Variants in APOB observed in about 807,000 individuals in gnomAD.
The protein encoded by APOB is apolipoprotein B-100.
APOB carries 153 observed loss-of-function variants against 314.1 expected under a neutral mutation model. The ratio of observed to expected loss-of-function variants is 0.49; its 90% confidence interval spans 0.43 to 0.56. The LOEUF is 0.56. Ranked by LOEUF, APOB falls within the 20% of genes least tolerant of loss-of-function variation. The probability of loss-of-function intolerance (pLI) is 0.00; values close to 1 mark genes in which losing one functional copy is unlikely to be tolerated. For missense variants in APOB, 5,430 were observed against 5,350.7 expected, an observed-to-expected ratio of 1.01 and a Z score of -0.46; for synonymous variants, 2,087 against 2,036.4, an observed-to-expected ratio of 1.02 and a Z score of -0.67.
At chr2:21,021,141 G>A (rs1433518460) in intron 18 of APOB, among the ~76,000 whole-genome samples, 1 of 152,154 alleles carries the variant, frequency 6.6e-6, no homozygotes, top group African/African-American at 2.4e-5. Flanking sequence ...ATCAAATACA[G>A]CACATCCAAA....
Position 21,029,627 on chromosome 2 carries a change from T to A in APOB, c.1617+12A>T, listed in dbSNP as rs759240083. On this transcript the variant is annotated intron_variant, in intron 12 of 28. Transcript: ENST00000233242. ...AAACTTTCACTTTCAGACCTCTTCT[T>A]GTGGACTTTACCTTGTCTTTAGGCT... The A allele has an allele frequency of 3.1e-6, 5 of 1,614,014 alleles. No homozygotes were observed. In the African/African-American group the frequency reaches 5.3e-5, roughly 17 times the overall value.
chr2:21,043,795 C>T (rs1253154590), intron 1 of APOB, 69 bp downstream of exon 1: 8 of 1,523,806 alleles, frequency 5.3e-6, no homozygotes, highest in Non-Finnish European at 7.0e-6. Context: ...GCCCAGGCTG[C>T]CCCGGCCAAC....
At chr2:21,016,995 A>AAAAAT (rs771045012) in intron 20 of APOB, among the ~76,000 whole-genome samples, 1,628 of 135,936 alleles carry the variant, frequency 0.012, 77 homozygotes, top group Admixed American at 0.087. Flanking sequence ...AAAAATAAAT[A>AAAAAT]AATAAATAAA....
intron 2 of APOB, 41 bp downstream of exon 2, chr2:21,043,472 G>T (rs757915327): frequency 6.3e-7 from 1 of 1,581,774 alleles, no homozygotes; most frequent in South Asian, 1.2e-5. Context: ...AGAGTGCACG[G>T]GGCTGGGCGC....
Position 21,008,130 on chromosome 2 carries a change from A to G in APOB, c.8738T>C (p.Leu2913Pro). Residue 2913 changes from leucine (L) to proline (P), a missense_variant, in exon 26 of 29, where the codon CTG becomes CCG. This residue lies in a region of APOB where 3,281 missense variants were observed against 3,171.0 expected (regional missense o/e 1.03). Transcript: ENST00000233242. The part of the protein sequence containing the change: ...QADLRNEIKT[L>P]LKAGHIAWTS... ...CCATGCTATGTGGCCAGCTTTCAACAGTGTCTTGATCTCGTTGCGCAGGTC... is the reference window on the plus strand; with the variant it reads ...CCATGCTATGTGGCCAGCTTTCAACGGTGTCTTGATCTCGTTGCGCAGGTC... 1.9e-6 allele frequency: 3 copies of G among 1,613,962 alleles called. No individual in the cohort carries two copies. The highest frequency in any genetic ancestry group is 2.5e-6 in the Non-Finnish European group (3 of 1,179,948).
chr2:21,025,271 A>G, intron 15 of APOB, 147 bp from the exon 16 acceptor site: 1 of 763,916 alleles, frequency 1.3e-6, no homozygotes, highest in East Asian at 2.6e-5. Flanking sequence ...GTCCAGGCTA[A>G]TTCCTCTAAG....
intron 7 of APOB, 117 bp from the exon 8 acceptor site, chr2:21,035,018 G>A (rs960498528): frequency 5.7e-5 from 44 of 767,652 alleles, no homozygotes; most frequent in Middle Eastern, 2.3e-4. Context: ...TCAAAGCATG[G>A]GTAAATCCAG....
At chr2:21,043,368 C>T (rs1320716821) in intron 2 of APOB, 145 bp downstream of exon 2, 28 of 935,622 alleles carry the variant, frequency 3.0e-5, no homozygotes, top group Non-Finnish European at 4.1e-5. Flanking sequence ...TGGGCAGAGG[C>T]TCAGGGAACT....
intron 1 of APOB, 107 bp downstream of exon 1, chr2:21,043,757 C>T (rs1664195883): frequency 1.3e-6 from 2 of 1,511,338 alleles, no homozygotes; most frequent in African/African-American, 2.8e-5. Context: ...TCGCCCTGGA[C>T]CCTGTGGCTG....
intron 25 of APOB, 113 bp downstream of exon 25, chr2:21,013,047 G>T: frequency 1.6e-6 from 2 of 1,281,294 alleles, no homozygotes; most frequent in Admixed American, 2.0e-5. Context: ...CTTCCAAGTA[G>T]CAAGGAAGAT....
intron 10 of APOB, among the ~76,000 whole-genome samples, chr2:21,031,153 A>G (rs879898878): frequency 1.3e-5 from 2 of 152,234 alleles, no homozygotes; most frequent in Non-Finnish European, 2.9e-5. Flanking sequence ...ACCTGCACCC[A>G]TATGTTTATC....
At position 21,012,049 on chromosome 2, in the gene APOB, C is replaced by T. The variant is rs149040065; in HGVS notation, c.4819G>A (p.Glu1607Lys). 6.8e-6 allele frequency: 11 copies of T among 1,614,028 alleles called. No homozygotes were observed. The highest frequency in any genetic ancestry group is 3.3e-4 in the Middle Eastern group (2 of 6,084). Residue 1607 changes from glutamate (E) to lysine (K), a missense_variant, in exon 26 of 29, where the codon GAG becomes AAG. Transcript: ENST00000233242. ...AGCAGGCTGAAGAACCTCAATGACT[C>T]GTAATCAGCCTGATATTCAGAACGC... ...LLRSEYQADYESLRFFSLLSG... is the reference protein window; with the variant it reads ...LLRSEYQADYKSLRFFSLLSG...
intron 8 of APOB, among the ~76,000 whole-genome samples, chr2:21,034,530 A>G (rs750744523): frequency 1.4e-4 from 22 of 152,228 alleles, no homozygotes; most frequent in Non-Finnish European, 2.8e-4. Flanking sequence ...TCTGGATCTT[A>G]TCACAGGATG....
rs181737266 is a variant in APOB, at chr2:21,038,061, G to A, written c.434C>T (p.Pro145Leu). The change falls in exon 5 of 29, where the codon CCG becomes CTG. Residue 145 changes from proline (P) to leucine (L), a missense_variant. By Grantham distance (98) the Pro-to-Leu change is moderately conservative. Coordinates refer to ENST00000233242, the MANE Select transcript of APOB (RefSeq NM_000384.3). ...IPEGKQVFLY[P>L]EKDEPTYILN... ...GATGTAAGTAGGTTCATCTTTCTCCGGGTAAAGGAAAACCTGCTTCCCTTC... is the reference window on the plus strand; with the variant it reads ...GATGTAAGTAGGTTCATCTTTCTCCAGGTAAAGGAAAACCTGCTTCCCTTC... 5.0e-5 allele frequency: 81 copies of A among 1,614,108 alleles called. No homozygotes were observed. The highest frequency in any genetic ancestry group is 2.8e-4 in the Admixed American group (17 of 60,024).
chr2:21,002,299 G>A lies in APOB; in HGVS notation c.13123C>T (p.Gln4375Ter). ...GCCATAATGTATTGATGGATCTGCT[G>A]TAACTCTTGAGAAGCTTCCTGAAGC... Reference protein sequence around the residue: ...NELQEASQELQQIHQYIMALR... With the variant: ...NELQEASQEL Residue 4375 changes from glutamine (Q) to a stop codon, truncating the protein, a stop_gained, in exon 29 of 29, where the codon CAG (glutamine) becomes TAG (stop). Transcript: ENST00000233242. LOFTEE classifies it low-confidence loss of function (END_TRUNC). The A allele has an allele frequency of 6.2e-7, 1 of 1,613,818 alleles. No homozygotes were observed. Among genetic ancestry groups the A allele is most frequent in the Non-Finnish European group, 8.5e-7 (1 of 1,179,920 alleles).
chr2:21,015,424 A>G lies in APOB; in HGVS notation c.3454T>C (p.Ser1152Pro), dbSNP rs918160317. Reference protein sequence around the residue: ...SPAKLLLQMDSSATAYGSTVS... With the variant: ...SPAKLLLQMDPSATAYGSTVS... ...GTGGAGCCATAAGCTGTAGCAGATG[A>G]GTCCATTTGGAGAAGCAGTTTGGCA... The change falls in exon 22 of 29, where the codon TCA (serine) becomes CCA (proline). Residue 1152 changes from serine (S) to proline (P), a missense_variant. By Grantham distance (74) the Ser-to-Pro change is moderately conservative. This residue lies in a region of APOB where 2,085 missense variants were observed against 2,079.7 expected (regional missense o/e 1.00). Coordinates refer to ENST00000233242, the MANE Select transcript of APOB (RefSeq NM_000384.3). 3 of 1,614,104 alleles carry G rather than the reference A, an allele frequency of 1.9e-6. No homozygotes were observed. In the African/African-American group the frequency reaches 4.0e-5, roughly 22 times the overall value.
chr2:21,034,874 C>A lies in APOB; in HGVS notation c.846G>T (p.Val282=). The A allele has an allele frequency of 6.3e-7, 1 of 1,597,450 alleles. No homozygotes were observed. Among genetic ancestry groups the A allele is most frequent in the South Asian group, 1.1e-5 (1 of 90,736 alleles). Residue 282 remains valine (V), a synonymous_variant, in exon 8 of 29, where the codon GTG becomes GTT. Coordinates refer to ENST00000233242, the MANE Select transcript of APOB (RefSeq NM_000384.3). ...TGTCTTCAAGTTTCAAAGTCTGTGTCACTTGTGCTACCATCCCATACTTAT... is the reference window on the plus strand; with the variant it reads ...TGTCTTCAAGTTTCAAAGTCTGTGTAACTTGTGCTACCATCCCATACTTAT... ...YKNKYGMVAQ[V]TQTLKLEDTP... is the part of the protein sequence containing the mutation.
In APOB at chr2:21,007,397, G is replaced by A. The variant is rs746031928; in HGVS notation, c.9471C>T (p.Gly3157=). 1.2e-6 allele frequency: 2 copies of A among 1,613,888 alleles called. No homozygotes were observed. Among genetic ancestry groups the A allele is most frequent in the Non-Finnish European group, 1.7e-6 (2 of 1,179,944 alleles). ...TTGTCGTTTTCAAGAATTCCTTCAA[G>A]CCTGTTTTTTCCCATAGAGAGAAAT... is the stretch of plus-strand genomic sequence containing the variant. ...LKDFSLWEKT[G]LKEFLKTTKQ... The change falls in exon 26 of 29, where the codon GGC becomes GGT. Residue 3157 remains glycine, a synonymous_variant. Transcript: ENST00000233242.
intron 4 of APOB, among the ~76,000 whole-genome samples, chr2:21,039,533 T>C (rs896791629): frequency 3.3e-5 from 5 of 152,172 alleles, no homozygotes; most frequent in African/African-American, 1.2e-4. Context: ...CAGCCTACAC[T>C]CTCTCAGAAA....
Sources: gnomAD v4.1 joint callset for allele counts (sites outside exome capture counted in the v4.1 genomes callset) on GRCh38, gnomAD v4.1.1 for gene constraint, gnomAD v4.1.1 regional missense constraint, MANE v1.5 for transcripts, NCBI Gene and HGNC (gene_info 2026-07-23, HGNC 2026-07-21) for gene names.